Variants in CELF4 observed in about 807,000 individuals in gnomAD.
The protein encoded by CELF4 is CUGBP Elav-like family member 4.
CELF4 carries 18 observed loss-of-function variants against 59.9 expected under a neutral mutation model. That is an observed-to-expected ratio of 0.30 (90% CI 0.21 to 0.45). The LOEUF is 0.45. Ranked by LOEUF, CELF4 falls within the 20% of genes least tolerant of loss-of-function variation. The pLI is 1.00. For synonymous variants in CELF4, 261 were observed against 267.1 expected (o/e 0.98, Z 0.22); for missense variants, 456 against 689.0 (o/e 0.66, Z 3.79).
intron 2 of CELF4, among the ~76,000 whole-genome samples, chr18:37,482,324 G>A (rs1453308730): frequency 6.6e-6 from 1 of 152,172 alleles, no homozygotes; most frequent in African/African-American, 2.4e-5. Context: ...AGGAAGTCAG[G>A]AAAGAGTGAG....
At chr18:37,385,423 G>A (rs748717237) in intron 2 of CELF4, among the ~76,000 whole-genome samples, 11 of 151,754 alleles carry the variant, frequency 7.2e-5, no homozygotes, top group African/African-American at 1.5e-4. Flanking sequence ...GATTAATGCC[G>A]TGGTGGTGGC....
At chr18:37,421,168 G>A (rs111932685) in intron 2 of CELF4, among the ~76,000 whole-genome samples, 438 of 152,300 alleles carry the variant, frequency 2.9e-3, no homozygotes, top group Non-Finnish European at 5.1e-3. Flanking sequence ...TTCCCTATCC[G>A]GGTCATGGGG....
intron 9 of CELF4, 84 bp from the exon 10 acceptor site, chr18:37,264,841 A>G (rs2076631473): frequency 8.3e-7 from 1 of 1,202,650 alleles, no homozygotes; most frequent in Non-Finnish European, 1.2e-6. Context: ...CAGTGCAGGC[A>G]GTAAAAGCAG....
rs561785466 is a variant in CELF4, at chr18:37,244,545, C to T, written c.*697G>A. 2 of 151,060 alleles carry T rather than the reference C, an allele frequency of 1.3e-5. No individual in the cohort carries two copies. The highest frequency in any genetic ancestry group is 4.9e-5 in the African/African-American group (2 of 40,514). 9.4% of individuals were successfully genotyped at this position (151,060 alleles called of 1,614,324 possible). A position where few individuals can be genotyped will look rare whatever the true frequency, so the allele number is the denominator to read the frequency against. ...TCTTGCTGTTTTAAAAGCATTGAAGCGTTATTTTTCCTTTTTTTGTTGTTT... is the reference window on the plus strand; with the variant it reads ...TCTTGCTGTTTTAAAAGCATTGAAGTGTTATTTTTCCTTTTTTTGTTGTTT... On this transcript the variant is annotated 3_prime_UTR_variant, in exon 13 of 13. Coordinates refer to ENST00000420428, the MANE Select transcript of CELF4 (RefSeq NM_020180.4).
chr18:37,489,698 T>G (rs912976671), intron 1 of CELF4, among the ~76,000 whole-genome samples: 4 of 152,308 alleles, frequency 2.6e-5, no homozygotes, highest in South Asian at 2.1e-4. Flanking sequence ...CCCAGAGACA[T>G]CCCTGGCGGG....
chr18:37,430,633 C>T (rs1425939236), intron 2 of CELF4, among the ~76,000 whole-genome samples: 1 of 152,224 alleles, frequency 6.6e-6, no homozygotes, highest in Non-Finnish European at 1.5e-5. Context: ...TGACAGGCTG[C>T]AGAAGCAGTG....
chr18:37,335,222 A>G (rs1001407129), intron 2 of CELF4, among the ~76,000 whole-genome samples: 23 of 152,108 alleles, frequency 1.5e-4, no homozygotes, highest in Admixed American at 1.5e-3. Context: ...ATTAATAAGC[A>G]TCGATCACGG....
chr18:37,490,935 C>G (rs2099901656), intron 1 of CELF4, among the ~76,000 whole-genome samples: 1 of 152,176 alleles, frequency 6.6e-6, no homozygotes, highest in South Asian at 2.1e-4. Flanking sequence ...TCAGCGCTTT[C>G]TGTCCCACCT....
intron 2 of CELF4, among the ~76,000 whole-genome samples, chr18:37,336,696 G>A (rs936818520): frequency 2.0e-5 from 3 of 152,188 alleles, no homozygotes; most frequent in Non-Finnish European, 4.4e-5. Context: ...CTCCTGAGGC[G>A]GCCACCAGCA....
intron 1 of CELF4, among the ~76,000 whole-genome samples, chr18:37,532,095 C>A (rs1342679186): frequency 6.6e-6 from 1 of 152,236 alleles, no homozygotes; most frequent in Non-Finnish European, 1.5e-5. Flanking sequence ...CACTGGCCTA[C>A]CTGGTCCTGC....
At chr18:37,456,433 G>A (rs192732464) in intron 2 of CELF4, among the ~76,000 whole-genome samples, 6 of 152,168 alleles carry the variant, frequency 3.9e-5, no homozygotes, top group African/African-American at 1.2e-4. Context: ...CTGTGTGCAG[G>A]ACCTGGGTTA....
chr18:37,396,084 G>A (rs535180364), intron 2 of CELF4, among the ~76,000 whole-genome samples: 3 of 152,268 alleles, frequency 2.0e-5, no homozygotes, highest in East Asian at 1.9e-4. Context: ...CATGGTCCCC[G>A]ACCAGATTAA....
chr18:37,306,578 G>C (rs1024299933), intron 3 of CELF4, among the ~76,000 whole-genome samples: 3 of 152,250 alleles, frequency 2.0e-5, no homozygotes, highest in African/African-American at 7.2e-5. Flanking sequence ...GCTGCTCACT[G>C]AGTGGCTTTG....
chr18:37,361,797 C>G (rs1343161509), intron 2 of CELF4, among the ~76,000 whole-genome samples: 1 of 150,776 alleles, frequency 6.6e-6, no homozygotes, highest in Non-Finnish European at 1.5e-5. Context: ...GATGCCCAGC[C>G]GGGGGAGCAA....
intron 2 of CELF4, among the ~76,000 whole-genome samples, chr18:37,419,146 G>T (rs971634662): frequency 2.0e-5 from 3 of 152,206 alleles, no homozygotes; most frequent in Non-Finnish European, 4.4e-5. Context: ...CTAGTGCAGA[G>T]CCAAGCACCC....
In CELF4 at chr18:37,244,527, G is replaced by GTTT. The variant is rs1430174763; in HGVS notation, c.*712_*714dup. The GTTT allele has an allele frequency of 6.6e-6, 1 of 151,966 alleles. No homozygotes were observed. Among genetic ancestry groups the GTTT allele is most frequent in the African/African-American group, 2.4e-5 (1 of 41,258 alleles). 9.4% of individuals were successfully genotyped at this position (151,966 alleles called of 1,614,324 possible). ...AGTATCAAAGAACTATTATCTTGCTGTTTTAAAAGCATTGAAGCGTTATTT... is the reference window on the plus strand; with the variant it reads ...AGTATCAAAGAACTATTATCTTGCTGTTTTTTTAAAAGCATTGAAGCGTTATTT... On this transcript the variant is annotated 3_prime_UTR_variant, in exon 13 of 13. Transcript: ENST00000420428.
chr18:37,413,192 C>G (rs890307327), intron 2 of CELF4, among the ~76,000 whole-genome samples: 1 of 152,198 alleles, frequency 6.6e-6, no homozygotes, highest in African/African-American at 2.4e-5. Context: ...ATAACTTACT[C>G]AGAATGAAGG....
chr18:37,461,449 C>G (rs1256077804), intron 2 of CELF4, among the ~76,000 whole-genome samples: 1 of 152,158 alleles, frequency 6.6e-6, no homozygotes, highest in Non-Finnish European at 1.5e-5. Flanking sequence ...CTTATAAAAC[C>G]ATCAGATCTT....
At chr18:37,321,209 C>T (rs988592162) in intron 3 of CELF4, among the ~76,000 whole-genome samples, 1 of 152,168 alleles carries the variant, frequency 6.6e-6, no homozygotes, top group African/African-American at 2.4e-5. Context: ...GCTGCATTCC[C>T]TTACTCAGGC....
Sources: gnomAD v4.1 joint callset for allele counts (sites outside exome capture counted in the v4.1 genomes callset) on GRCh38, gnomAD v4.1.1 for gene constraint, MANE v1.5 for transcripts, NCBI Gene and HGNC (gene_info 2026-07-23, HGNC 2026-07-21) for gene names.